TDRD7: variants seen among roughly 807,000 people sequenced by gnomAD.
TDRD7 encodes tudor domain containing 7, also known as tudor domain-containing protein 7.
In TDRD7, 47 loss-of-function variants were observed where a neutral mutation model predicts 109.8. That is an observed-to-expected ratio of 0.43 (90% CI 0.34 to 0.55). The LOEUF (loss-of-function observed/expected upper bound fraction) is 0.55. Ranked by LOEUF, TDRD7 falls within the 20% of genes least tolerant of loss-of-function variation. TDRD7 has a pLI of 0.03. For missense variants in TDRD7, 1,164 were observed against 1,319.2 expected, an observed-to-expected ratio of 0.88 and a Z score of 1.82; for synonymous variants, 424 against 457.3, an observed-to-expected ratio of 0.93 and a Z score of 0.93.
intron 14 of TDRD7, 93 bp downstream of exon 14, chr9:97,481,031 TA>T: frequency 1.9e-6 from 2 of 1,033,798 alleles, no homozygotes; most frequent in East Asian, 2.4e-5. Flanking sequence ...TATCTCACTG[TA>T]AAATGGATGC....
chr9:97,436,551 C>T (rs1244215564), intron 4 of TDRD7, among the ~76,000 whole-genome samples: 2 of 151,978 alleles, frequency 1.3e-5, no homozygotes, highest in Admixed American at 6.6e-5. Context: ...TTTTTGTATA[C>T]AAAAACTTTA....
At chr9:97,468,106 T>G (rs1439393676) in intron 8 of TDRD7, among the ~76,000 whole-genome samples, 1 of 152,208 alleles carries the variant, frequency 6.6e-6, no homozygotes, top group Non-Finnish European at 1.5e-5. Context: ...CATGGATGAA[T>G]TTGGAGCTCA....
Position 97,482,852 on chromosome 9 carries a change from A to G in TDRD7, c.2416A>G (p.Thr806Ala), listed in dbSNP as rs756683065. 1.2e-6 allele frequency: 2 copies of G among 1,614,084 alleles called. No individual in the cohort carries two copies. Among genetic ancestry groups the G allele is most frequent in the East Asian group, 2.2e-5 (1 of 44,886 alleles). The change falls in exon 15 of 17, where the codon ACA becomes GCA. Residue 806 changes from threonine (T) to alanine (A), a missense_variant. Thr to Ala is a moderately conservative substitution (Grantham distance 58). This residue lies in a region of TDRD7 where 233 missense variants were observed against 218.0 expected (regional missense o/e 1.07). Transcript: ENST00000355295. ...TCATTTTTTGTGTTTTCCAAAGGTT[A>G]CAAAAGTGGATGAAACCAGAGGGAT... ...LNCSDCSIKVTKVDETRGIAH... is the reference protein window; with the variant it reads ...LNCSDCSIKVAKVDETRGIAH...
At chr9:97,494,109 T>C (rs937374871) in intron 16 of TDRD7, among the ~76,000 whole-genome samples, 1 of 152,192 alleles carries the variant, frequency 6.6e-6, no homozygotes, top group Non-Finnish European at 1.5e-5. Context: ...ACAAGGGTAT[T>C]GATTGGGGAA....
intron 5 of TDRD7, 53 bp downstream of exon 5, chr9:97,439,371 CAT>C: frequency 6.9e-7 from 1 of 1,450,268 alleles, no homozygotes; most frequent in East Asian, 2.3e-5. Flanking sequence ...AGTCAAGAAA[CAT>C]ATCTGGTGGT....
intron 6 of TDRD7, among the ~76,000 whole-genome samples, chr9:97,452,638 T>C (rs1352580499): frequency 6.6e-6 from 1 of 152,230 alleles, no homozygotes; most frequent in Non-Finnish European, 1.5e-5. Flanking sequence ...GTTTGTACTT[T>C]GGGTAAATTC....
At chr9:97,424,002 A>G (rs1226320834) in intron 1 of TDRD7, among the ~76,000 whole-genome samples, 2 of 150,210 alleles carry the variant, frequency 1.3e-5, no homozygotes, top group Non-Finnish European at 3.0e-5. Flanking sequence ...GTGTTCTGTC[A>G]ATATCATTAG....
At chr9:97,484,582 G>A (rs541159962) in intron 15 of TDRD7, among the ~76,000 whole-genome samples, 4 of 152,068 alleles carry the variant, frequency 2.6e-5, no homozygotes, top group African/African-American at 9.6e-5. Flanking sequence ...CATGTATAAA[G>A]TTTTGTCATT....
chr9:97,433,974 TAAAAA>T (rs1327122283), intron 4 of TDRD7, among the ~76,000 whole-genome samples: 2 of 152,064 alleles, frequency 1.3e-5, no homozygotes, highest in Non-Finnish European at 2.9e-5. Context: ...CTCAAAAACT[TAAAAA>T]GAACTGTCAG....
intron 16 of TDRD7, among the ~76,000 whole-genome samples, chr9:97,494,954 GC>G (rs1829373138): frequency 6.6e-6 from 1 of 152,026 alleles, no homozygotes; most frequent in Non-Finnish European, 1.5e-5. Flanking sequence ...CAAGATACCT[GC>G]CCGCCTTGGC....
chr9:97,424,391 A>G (rs1827951736), intron 1 of TDRD7, among the ~76,000 whole-genome samples: 1 of 151,740 alleles, frequency 6.6e-6, no homozygotes, highest in South Asian at 2.1e-4. Context: ...TATTTTTTTG[A>G]TCTACTGGTT....
chr9:97,432,690 T>G (rs1447560756), intron 4 of TDRD7, among the ~76,000 whole-genome samples: 1 of 152,200 alleles, frequency 6.6e-6, no homozygotes, highest in African/African-American at 2.4e-5. Context: ...AGTCTTTGTT[T>G]GGGTGCTGCC....
chr9:97,471,405 G>A (rs1393457380), intron 9 of TDRD7, among the ~76,000 whole-genome samples: 1 of 152,184 alleles, frequency 6.6e-6, no homozygotes, highest in African/African-American at 2.4e-5. Context: ...ACTCTTATCT[G>A]TGAGATTAAC....
At chr9:97,443,047 C>T (rs1828338992) in intron 6 of TDRD7, among the ~76,000 whole-genome samples, 1 of 152,168 alleles carries the variant, frequency 6.6e-6, no homozygotes, top group African/African-American at 2.4e-5. Flanking sequence ...ATCCGCCCAC[C>T]TCGGCCTCCC....
chr9:97,470,677 G>A lies in TDRD7; in HGVS notation c.1741+8G>A. On this transcript the variant is annotated splice_region_variant and intron_variant, in intron 9 of 16. Coordinates refer to ENST00000355295, the MANE Select transcript of TDRD7 (RefSeq NM_014290.3). Reference sequence around the variant, plus strand: ...CAAAATGTAAGCTTGCAGGTAAGAGGAACTTTTTAAAAAACTCTCTCCATT... The same window carrying A: ...CAAAATGTAAGCTTGCAGGTAAGAGAAACTTTTTAAAAAACTCTCTCCATT... The A allele has an allele frequency of 6.2e-7, 1 of 1,609,818 alleles. No homozygotes were observed. The highest frequency in any genetic ancestry group is 8.5e-7 in the Non-Finnish European group (1 of 1,176,816).
chr9:97,466,990 A>G (rs7047149), intron 8 of TDRD7, among the ~76,000 whole-genome samples: 29,377 of 152,118 alleles, frequency 0.19, 3,005 homozygotes, highest in East Asian at 0.28. Flanking sequence ...AAGGACCACA[A>G]TGGTCACTGG....
intron 6 of TDRD7, among the ~76,000 whole-genome samples, chr9:97,458,024 C>CT (rs1828650085): frequency 6.6e-6 from 1 of 152,088 alleles, no homozygotes; most frequent in Non-Finnish European, 1.5e-5. Context: ...GGGGAGGGAA[C>CT]TTAGAGGGCA....
intron 1 of TDRD7, among the ~76,000 whole-genome samples, chr9:97,427,918 C>A (rs556633547): frequency 4.6e-5 from 7 of 152,226 alleles, no homozygotes; most frequent in African/African-American, 1.7e-4. Context: ...TTTAAAATAT[C>A]CCTAAGGCCC....
In TDRD7 at chr9:97,486,037, G is replaced by A. The variant is rs77963045; in HGVS notation, c.2916-1135G>A. Among the ~76,000 whole-genome samples, 1,226 of 152,216 alleles carry A rather than the reference G, an allele frequency of 8.1e-3. 42 individuals are homozygous for A. In the East Asian group the frequency reaches 0.1, roughly 13 times the overall value. On this transcript the variant is annotated intron_variant, in intron 15 of 16. Transcript: ENST00000355295. ...AGTTCATCCTATAGCAGCTGCATGGGTTTCCTATACTAGGTGTATATGGGC... is the reference window on the plus strand; with the variant it reads ...AGTTCATCCTATAGCAGCTGCATGGATTTCCTATACTAGGTGTATATGGGC...
Sources: gnomAD v4.1 joint callset for allele counts (sites outside exome capture counted in the v4.1 genomes callset) on GRCh38, gnomAD v4.1.1 for gene constraint, gnomAD v4.1.1 regional missense constraint, MANE v1.5 for transcripts, NCBI Gene and HGNC (gene_info 2026-07-23, HGNC 2026-07-21) for gene names.